Variants in SP140 observed in about 807,000 individuals in gnomAD.
SP140 encodes nuclear body protein SP140.
A neutral mutation model predicts 125.0 loss-of-function variants in SP140; 81 were observed. That is an observed-to-expected ratio of 0.65 (90% CI 0.54 to 0.78). The LOEUF (loss-of-function observed/expected upper bound fraction) is 0.78, where lower values mean the gene tolerates loss of function less well. SP140 is among the 30% of genes least tolerant of loss of function. SP140 has a pLI of 0.00. For missense variants in SP140, 858 were observed against 1,037.0 expected, an observed-to-expected ratio of 0.83 and a Z score of 2.37; for synonymous variants, 312 against 354.0, an observed-to-expected ratio of 0.88 and a Z score of 1.33.
intron 3 of SP140, chr2:230,214,967 T>C (rs750255263): frequency 6.2e-7 from 1 of 1,614,054 alleles, no homozygotes; most frequent in Non-Finnish European, 8.5e-7. Flanking sequence ...GAAGCTTCTG[T>C]AAATCGTCAC....
chr2:230,265,461 C>G (rs1256631283), intron 12 of SP140, among the ~76,000 whole-genome samples: 1 of 152,194 alleles, frequency 6.6e-6, no homozygotes, highest in Non-Finnish European at 1.5e-5. Flanking sequence ...AGAGTTCTGT[C>G]CAGGAGGCGT....
chr2:230,195,852 T>C, the SP140 span, among the ~76,000 whole-genome samples: 1 of 151,878 alleles, frequency 6.6e-6, no homozygotes, highest in East Asian at 1.9e-4. Context: ...AAAAACAAAA[T>C]TTAAATATAC....
At chr2:230,249,808 T>C (rs1002464534) in intron 9 of SP140, among the ~76,000 whole-genome samples, 1 of 152,124 alleles carries the variant, frequency 6.6e-6, no homozygotes, top group African/African-American at 2.4e-5. Context: ...AGTCACTAGA[T>C]AGAAGCAGCT....
rs760829726 is a variant in SP140 at position 230,250,957 on chromosome 2, G to A, written c.977-24G>A. On this transcript the variant is annotated intron_variant, in intron 9 of 26. Transcript: ENST00000392045. ...CTAAGTTTTCTCTTCATAATTTCTTGAGGGATTTCTTTTCTTTCTGCAGAG... is the reference window on the plus strand; with the variant it reads ...CTAAGTTTTCTCTTCATAATTTCTTAAGGGATTTCTTTTCTTTCTGCAGAG... 2.5e-5 allele frequency: 41 copies of A among 1,612,110 alleles called. 1 individual carries two copies. In the Middle Eastern group the frequency reaches 6.6e-4, roughly 26 times the overall value.
At chr2:230,270,034 A>T in intron 14 of SP140, 81 bp downstream of exon 14, 1 of 871,770 alleles carries the variant, frequency 1.1e-6, no homozygotes, top group African/African-American at 1.7e-5. Flanking sequence ...TAGGTGCTCC[A>T]GTCTGTCCAG....
At chr2:230,233,547 A>G (rs1480307785) in intron 1 of SP140, among the ~76,000 whole-genome samples, 8 of 152,202 alleles carry the variant, frequency 5.3e-5, no homozygotes, top group Non-Finnish European at 8.8e-5. Context: ...CGAGAACCCC[A>G]AAGAACTGGC....
intron 23 of SP140, 133 bp downstream of exon 23, chr2:230,310,172 G>A: frequency 2.5e-6 from 2 of 799,644 alleles, no homozygotes; most frequent in East Asian, 5.4e-5. Context: ...GGACCCAGCA[G>A]TGTGATCCAG....
chr2:230,210,189 G>C (rs41548221), intron 1 of SP140, among the ~76,000 whole-genome samples: 1 of 152,188 alleles, frequency 6.6e-6, no homozygotes, highest in Admixed American at 6.5e-5. Flanking sequence ...ATTGTTACCT[G>C]TGCGACCATC....
At chr2:230,283,335 T>C (rs1421231619) in intron 15 of SP140, among the ~76,000 whole-genome samples, 1 of 152,236 alleles carries the variant, frequency 6.6e-6, no homozygotes, top group East Asian at 1.9e-4. Flanking sequence ...CTTCATCTTT[T>C]GCCCTAATTA....
At chr2:230,270,081 G>GCTCCC (rs2053704996) in intron 14 of SP140, 128 bp downstream of exon 14, 1 of 666,334 alleles carries the variant, frequency 1.5e-6, no homozygotes, top group Non-Finnish European at 2.7e-6. Flanking sequence ...CTGAGCCTTT[G>GCTCCC]GGGAGCTGCA....
chr2:230,210,601 A>G (rs1355125987), intron 1 of SP140, among the ~76,000 whole-genome samples: 1 of 152,236 alleles, frequency 6.6e-6, no homozygotes, highest in Non-Finnish European at 1.5e-5. Flanking sequence ...AGAAAGCAGG[A>G]GCTAGCCTGT....
chr2:230,273,732 G>A (rs1306899441), intron 15 of SP140, among the ~76,000 whole-genome samples: 2 of 152,160 alleles, frequency 1.3e-5, no homozygotes, highest in African/African-American at 4.8e-5. Flanking sequence ...TAAAGAAAAT[G>A]TGGTTCATGT....
chr2:230,200,092 G>A (rs2043064392), upstream of SP140, among the ~76,000 whole-genome samples: 1 of 152,102 alleles, frequency 6.6e-6, no homozygotes, highest in Non-Finnish European at 1.5e-5. Flanking sequence ...TACTAGATAA[G>A]CCAGTGCAAT....
At chr2:230,233,179 CTA>C (rs1452554785) in intron 1 of SP140, among the ~76,000 whole-genome samples, 2 of 151,910 alleles carry the variant, frequency 1.3e-5, no homozygotes, top group African/African-American at 2.4e-5. Context: ...CATTTTGACT[CTA>C]TTTGTTACAC....
downstream of SP140, among the ~76,000 whole-genome samples, chr2:230,315,446 G>A (rs56017039): frequency 0.041 from 6,280 of 152,224 alleles, 238 homozygotes; most frequent in South Asian, 0.19. Context: ...CCCTGTTAGA[G>A]TATGTGGAGA....
intron 22 of SP140, among the ~76,000 whole-genome samples, chr2:230,308,566 G>A (rs917905058): frequency 1.3e-5 from 2 of 152,304 alleles, no homozygotes; most frequent in South Asian, 4.1e-4. Flanking sequence ...GGCATCCCAC[G>A]CCACGCAGGG....
At chr2:230,235,868 GTTTTTTTTTTTTTT>G (rs984054259) in intron 1 of SP140, among the ~76,000 whole-genome samples, 1 of 77,974 alleles carries the variant, frequency 1.3e-5, no homozygotes, top group African/African-American at 5.4e-5. Flanking sequence ...TCTTGTGACT[GTTTTTTTTTTTTTT>G]TTTTTTTTTT....
At position 230,243,816 on chromosome 2, in the gene SP140, G is replaced by A. The variant is rs776547280; in HGVS notation, c.571+5G>A. On this transcript the variant is annotated splice_donor_5th_base_variant and intron_variant, in intron 5 of 26. Transcript: ENST00000392045. ...CCTCGCCAAGGTGTGAGCCAGGTAA[G>A]GAAGGAGTGACTTGCTCTCCCTGAC... 5.5e-5 allele frequency: 89 copies of A among 1,606,154 alleles called. No individual in the cohort carries two copies. The highest frequency in any genetic ancestry group is 4.3e-5 in the Non-Finnish European group (50 of 1,173,280).
intron 21 of SP140, among the ~76,000 whole-genome samples, chr2:230,296,064 T>C (rs569393820): frequency 8.4e-5 from 11 of 130,192 alleles, no homozygotes; most frequent in Non-Finnish European, 1.5e-4. Flanking sequence ...CATAGTGAGA[T>C]ACCATCTCTA....
Sources: allele counts gnomAD v4.1 joint callset (sites outside exome capture counted in the v4.1 genomes callset), GRCh38; gene constraint gnomAD v4.1.1; transcripts MANE v1.5; gene names NCBI Gene and HGNC (gene_info 2026-07-23, HGNC 2026-07-21).